The following ABL1 variants were observed in gnomAD, a reference collection of about 807,000 sequenced individuals.
ABL1 encodes the protein ABL proto-oncogene 1, non-receptor tyrosine kinase.
Under a neutral mutation model 94.7 loss-of-function variants are expected in ABL1, and 11 were observed. That is an observed-to-expected ratio of 0.12 (90% CI 0.07 to 0.19). The LOEUF (loss-of-function observed/expected upper bound fraction) is 0.19, where lower values mean the gene tolerates loss of function less well. Among genes scored for constraint, ABL1 ranks in the 10% least tolerant of loss-of-function variants. The pLI, the probability that ABL1 is intolerant of heterozygous loss-of-function variation, is 1.00. For missense variants in ABL1, 1,082 were observed against 1,489.4 expected (o/e 0.73, Z 4.50); for synonymous variants, 656 against 622.4 (o/e 1.05, Z -0.80).
chr9:130,825,884 G>A (rs1463118220), intron 1 of ABL1, among the ~76,000 whole-genome samples: 3 of 152,126 alleles, frequency 2.0e-5, no homozygotes, highest in African/African-American at 7.2e-5. Context: ...TTGTTTCTTC[G>A]CCATCAGCGA....
At chr9:130,745,217 T>C (rs1564276965) in intron 1 of ABL1, among the ~76,000 whole-genome samples, 4 of 151,792 alleles carry the variant, frequency 2.6e-5, no homozygotes, top group Admixed American at 2.0e-4. Context: ...CCCTAGTAGC[T>C]GGGATTACAG....
intron 1 of ABL1, among the ~76,000 whole-genome samples, chr9:130,809,854 A>G (rs920083798): frequency 6.6e-6 from 1 of 152,244 alleles, no homozygotes; most frequent in African/African-American, 2.4e-5. Flanking sequence ...AATCATCACA[A>G]AAGTCTTGCC....
At chr9:130,802,059 G>A (rs534371163) in intron 1 of ABL1, among the ~76,000 whole-genome samples, 162 of 149,470 alleles carry the variant, frequency 1.1e-3, no homozygotes, top group Non-Finnish European at 2.0e-3. Flanking sequence ...ACATTATGTA[G>A]CAAGTCTCTG....
chr9:130,723,769 A>T (rs1168655888), intron 1 of ABL1, among the ~76,000 whole-genome samples: 1 of 152,010 alleles, frequency 6.6e-6, no homozygotes, highest in Non-Finnish European at 1.5e-5. Flanking sequence ...CATGGAAGAG[A>T]GTGTTGAAAC....
intron 1 of ABL1, among the ~76,000 whole-genome samples, chr9:130,800,218 T>C (rs1830037248): frequency 2.0e-5 from 3 of 152,142 alleles, no homozygotes; most frequent in Admixed American, 2.0e-4. Flanking sequence ...GGATGTGGGC[T>C]GGGTGATTAT....
At chr9:130,745,763 T>G (rs1245474710) in intron 1 of ABL1, among the ~76,000 whole-genome samples, 1 of 152,098 alleles carries the variant, frequency 6.6e-6, no homozygotes, top group Admixed American at 6.6e-5. Flanking sequence ...TCCACAATTG[T>G]CTGATTATTA....
intron 1 of ABL1, among the ~76,000 whole-genome samples, chr9:130,735,961 A>ATATATATATATATTTT (rs573602038): frequency 3.0e-4 from 28 of 94,822 alleles, no homozygotes; most frequent in East Asian, 1.6e-3. Context: ...ATATATATAT[A>ATATATATATATATTTT]TTTTTTTTTT....
At chr9:130,742,685 C>A (rs76165700) in intron 1 of ABL1, among the ~76,000 whole-genome samples, 226 of 152,126 alleles carry the variant, frequency 1.5e-3, no homozygotes, top group African/African-American at 5.3e-3. Context: ...TCTGGTGGTT[C>A]CCATTATATA....
chr9:130,857,684 A>C (rs975030577), intron 3 of ABL1, among the ~76,000 whole-genome samples: 1 of 151,374 alleles, frequency 6.6e-6, no homozygotes, highest in Admixed American at 6.6e-5. Flanking sequence ...ATATGAACAT[A>C]CATATACTTC....
At chr9:130,737,634 C>T (rs1831760646) in intron 1 of ABL1, among the ~76,000 whole-genome samples, 1 of 152,072 alleles carries the variant, frequency 6.6e-6, no homozygotes, top group South Asian at 2.1e-4. Context: ...GTCCAGACTA[C>T]GTTTCAGGGA....
At chr9:130,865,744 T>TA (rs1831143768) in intron 4 of ABL1, among the ~76,000 whole-genome samples, 1 of 74,638 alleles carries the variant, frequency 1.3e-5, no homozygotes, top group Admixed American at 1.7e-4. Context: ...AGACCCTGTC[T>TA]CCAAAAAAAA....
rs185116061 is a variant in ABL1, at chr9:130,793,173, G to A, written c.137-60891G>A. Among the ~76,000 whole-genome samples the A allele has an allele frequency of 5.0e-3, 761 of 152,240 alleles. 1 individual carries two copies. Among genetic ancestry groups the A allele is most frequent in the Non-Finnish European group, 5.6e-3 (381 of 68,026 alleles). On this transcript the variant is annotated intron_variant, in intron 1 of 10. Transcript: ENST00000372348. Reference sequence around the variant, plus strand: ...ACTCCTGACCTCAGGTGATCTGCCCGCCTCAGTCTCCCAAAGTGCTGGGAT... The same window carrying A: ...ACTCCTGACCTCAGGTGATCTGCCCACCTCAGTCTCCCAAAGTGCTGGGAT...
At position 130,855,110 on chromosome 9, in the gene ABL1, G is replaced by T; in HGVS notation, c.549+14G>T. On this transcript the variant is annotated intron_variant, in intron 3 of 10. Coordinates refer to ENST00000318560, the MANE Select transcript of ABL1 (RefSeq NM_005157.6). ...TCTGATGGCAAGGTAGGGGACCCTTGGCAGGGGGCGCTGATGGGCCCAGGG... is the reference window on the plus strand; with the variant it reads ...TCTGATGGCAAGGTAGGGGACCCTTTGCAGGGGGCGCTGATGGGCCCAGGG... The T allele has an allele frequency of 6.2e-7, 1 of 1,607,276 alleles. No homozygotes were observed. The highest frequency in any genetic ancestry group is 8.5e-7 in the Non-Finnish European group (1 of 1,175,396).
intron 1 of ABL1, among the ~76,000 whole-genome samples, chr9:130,750,866 C>T (rs1407677263): frequency 2.6e-5 from 4 of 151,600 alleles, no homozygotes; most frequent in East Asian, 2.0e-4. Context: ...AGGCTGGTCT[C>T]GAACTCCTGA....
chr9:130,725,335 A>G (rs7047098), intron 1 of ABL1, among the ~76,000 whole-genome samples: 49,125 of 151,922 alleles, frequency 0.32, 11,610 homozygotes, highest in African/African-American at 0.65. Context: ...ATAATACAAT[A>G]TTTGCCCTTT....
chr9:130,767,651 C>T (rs537082464), intron 1 of ABL1, among the ~76,000 whole-genome samples: 12 of 152,270 alleles, frequency 7.9e-5, no homozygotes, highest in Admixed American at 1.3e-4. Context: ...TATTTGAATA[C>T]CGAGTTTTAG....
chr9:130,820,006 A>G (rs1370623060), intron 1 of ABL1, among the ~76,000 whole-genome samples: 1 of 151,624 alleles, frequency 6.6e-6, no homozygotes, highest in East Asian at 1.9e-4. Flanking sequence ...TCTATACCCT[A>G]TCTTTGGTGA....
chr9:130,763,844 C>G (rs1027421482), intron 1 of ABL1, among the ~76,000 whole-genome samples: 4 of 152,098 alleles, frequency 2.6e-5, no homozygotes, highest in African/African-American at 9.7e-5. Context: ...GGCACTCACT[C>G]AGCAAATGTG....
chr9:130,739,414 A>G (rs948784348), intron 1 of ABL1, among the ~76,000 whole-genome samples: 4 of 151,916 alleles, frequency 2.6e-5, no homozygotes, highest in East Asian at 1.9e-4. Flanking sequence ...TATGGTTACA[A>G]TGGAGAAAAA....
Sources: allele counts gnomAD v4.1 joint callset (sites outside exome capture counted in the v4.1 genomes callset), GRCh38; gene constraint gnomAD v4.1.1; transcripts MANE v1.5; gene names NCBI Gene and HGNC (gene_info 2026-07-23, HGNC 2026-07-21).